AOPEP: variants seen among roughly 807,000 people sequenced by gnomAD.
AOPEP encodes the protein aminopeptidase O.
Under a neutral mutation model 98.1 loss-of-function variants are expected in AOPEP, and 77 were observed. The observed-to-expected ratio is 0.78, with a 90% CI of 0.65 to 0.95. The LOEUF (loss-of-function observed/expected upper bound fraction) is 0.95. AOPEP is among the 40% of genes least tolerant of loss of function. The probability of loss-of-function intolerance (pLI) is 0.00; values close to 1 mark genes in which losing one functional copy is unlikely to be tolerated. For synonymous variants in AOPEP, 346 were observed against 365.3 expected (o/e 0.95, Z 0.60); for missense variants, 1,024 against 1,024.7 (o/e 1.00, Z 0.01).
chr9:94,985,813 G>A (rs1263264236), intron 11 of AOPEP, among the ~76,000 whole-genome samples: 3 of 152,144 alleles, frequency 2.0e-5, no homozygotes, highest in Non-Finnish European at 2.9e-5. Flanking sequence ...TTAAAGACAT[G>A]TGGAATAGGT....
At position 95,082,594 on chromosome 9, in the gene AOPEP, A is replaced by G. The variant is rs200458500; in HGVS notation, c.2339A>G (p.Tyr780Cys). The G allele has an allele frequency of 1.1e-5, 17 of 1,614,086 alleles. No homozygotes were observed. In the Admixed American group the frequency reaches 2.7e-4, roughly 25 times the overall value. ...CTGCAGGCCATGGGTGTGTACCTCT[A>G]CGGGGAGCTGATGGTGAGTGAGGAC... Reference protein sequence around the residue: ...QEDQAMGVYLYGELMVSEDAR... With the variant: ...QEDQAMGVYLCGELMVSEDAR... Residue 780 changes from tyrosine (Y) to cysteine (C), a missense_variant, in exon 16 of 17, where the codon TAC becomes TGC. Tyr to Cys is a radical substitution (Grantham distance 194). Transcript: ENST00000375315.
intron 16 of AOPEP, chr9:95,085,459 G>A (rs2070523697): frequency 1.9e-6 from 1 of 533,188 alleles, no homozygotes; most frequent in South Asian, 1.4e-5. Context: ...CTCTAACAAG[G>A]TGCAGAGCTT....
At chr9:95,085,091 C>T (rs577391593) in intron 16 of AOPEP, 38 of 372,690 alleles carry the variant, frequency 1.0e-4, no homozygotes, top group Non-Finnish European at 1.5e-4. Context: ...GCCAACTAAA[C>T]GAACAACAAA....
At chr9:94,963,081 T>C (rs1284502833) in intron 9 of AOPEP, among the ~76,000 whole-genome samples, 1 of 152,188 alleles carries the variant, frequency 6.6e-6, no homozygotes, top group Non-Finnish European at 1.5e-5. Context: ...AAAAGCCCTC[T>C]CTTGAGTGTA....
chr9:95,100,683 T>C, the AOPEP span: 1 of 228,772 alleles, frequency 4.4e-6, no homozygotes, highest in Non-Finnish European at 8.7e-6. Flanking sequence ...CAGGCTGGAG[T>C]GCAGTGTCAT....
At chr9:94,945,783 A>C (rs574986447) in intron 7 of AOPEP, among the ~76,000 whole-genome samples, 1 of 152,082 alleles carries the variant, frequency 6.6e-6, no homozygotes, top group Non-Finnish European at 1.5e-5. Flanking sequence ...AATGAAGCCA[A>C]TGTTTGTCTC....
At chr9:95,068,809 T>C (rs2068179093) in intron 14 of AOPEP, among the ~76,000 whole-genome samples, 1 of 152,150 alleles carries the variant, frequency 6.6e-6, no homozygotes, top group African/African-American at 2.4e-5. Context: ...TCAGAAGAAA[T>C]AGCCACTGAG....
intron 5 of AOPEP, among the ~76,000 whole-genome samples, chr9:94,865,861 A>T (rs1363661231): frequency 6.6e-6 from 1 of 152,194 alleles, no homozygotes; most frequent in Non-Finnish European, 1.5e-5. Flanking sequence ...AAACATTTCC[A>T]ACCGCAAATT....
At chr9:94,933,406 T>G (rs915366404) in intron 7 of AOPEP, 1 of 985,468 alleles carries the variant, frequency 1.0e-6, no homozygotes, top group Non-Finnish European at 1.2e-6. Context: ...TCTCTTTTTT[T>G]CTGGATTCAT....
At chr9:95,100,768 T>A in the AOPEP span, 1 of 225,534 alleles carries the variant, frequency 4.4e-6, no homozygotes, top group African/African-American at 2.2e-5. Flanking sequence ...ATAGCTGGGA[T>A]TACAGATGCA....
At chr9:95,123,508 C>T in the AOPEP span, 3 of 481,248 alleles carry the variant, frequency 6.2e-6, no homozygotes, top group South Asian at 4.5e-5. Context: ...TTCCTCCAGT[C>T]CGTGCCTCCA....
At chr9:94,808,479 C>T (rs1431195415) in intron 5 of AOPEP, among the ~76,000 whole-genome samples, 3 of 152,164 alleles carry the variant, frequency 2.0e-5, no homozygotes, top group African/African-American at 7.2e-5. Context: ...TTGCACAAAT[C>T]CGCCCTGATT....
At chr9:94,876,931 G>A (rs1387852054) in intron 5 of AOPEP, among the ~76,000 whole-genome samples, 1 of 152,118 alleles carries the variant, frequency 6.6e-6, no homozygotes, top group African/African-American at 2.4e-5. Flanking sequence ...AGGTCTGACT[G>A]TCTACAAAAT....
At chr9:94,890,101 C>T (rs766716589) in intron 5 of AOPEP, among the ~76,000 whole-genome samples, 1 of 150,846 alleles carries the variant, frequency 6.6e-6, no homozygotes, top group African/African-American at 2.4e-5. Flanking sequence ...GGTCTTGGCT[C>T]ACTGCAACCT....
chr9:94,728,251 A>ACACACACACG (rs1829723650), intron 1 of AOPEP, among the ~76,000 whole-genome samples: 1 of 148,720 alleles, frequency 6.7e-6, no homozygotes, highest in Non-Finnish European at 1.5e-5. Flanking sequence ...ACACACACAC[A>ACACACACACG]CACACACACA....
At chr9:94,819,943 A>ATTTTTT (rs1277486320) in intron 5 of AOPEP, among the ~76,000 whole-genome samples, 2 of 74,546 alleles carry the variant, frequency 2.7e-5, no homozygotes, top group African/African-American at 4.0e-5. Flanking sequence ...CTTTAGTGCA[A>ATTTTTT]TTCTTTTTTT....
intron 5 of AOPEP, among the ~76,000 whole-genome samples, chr9:94,867,438 C>T (rs1238537958): frequency 6.6e-6 from 1 of 152,208 alleles, no homozygotes; most frequent in African/African-American, 2.4e-5. Flanking sequence ...TCAGCCTCAG[C>T]AGTCCACGTA....
intron 11 of AOPEP, among the ~76,000 whole-genome samples, chr9:94,998,591 G>T (rs573764809): frequency 1.3e-5 from 2 of 152,288 alleles, no homozygotes; most frequent in African/African-American, 4.8e-5. Flanking sequence ...CATGTCATTT[G>T]ATCAGAACTT....
chr9:94,884,734 G>A lies in AOPEP; in HGVS notation c.1365-39252G>A, dbSNP rs573167700. Among the ~76,000 whole-genome samples, 6 of 152,174 alleles carry A rather than the reference G, an allele frequency of 3.9e-5. No homozygotes were observed. The East Asian group carries it at 5.8e-4, about 15-fold the overall frequency. On this transcript the variant is annotated intron_variant, in intron 5 of 16. Coordinates refer to ENST00000375315, the MANE Select transcript of AOPEP (RefSeq NM_001193329.3). ...ATAGCTCTTAAATCAGGCACTGGCC[G>A]GGCGCGGTGGCTCACGCCTGTAATC...
Sources: allele counts gnomAD v4.1 joint callset (sites outside exome capture counted in the v4.1 genomes callset), GRCh38; gene constraint gnomAD v4.1.1; transcripts MANE v1.5; gene names NCBI Gene and HGNC (gene_info 2026-07-23, HGNC 2026-07-21).